Variants in ZNF18 observed in about 807,000 individuals in gnomAD.
The protein encoded by ZNF18 is heart development-specific gene 1 protein.
In ZNF18, 42 loss-of-function variants were observed where a neutral mutation model predicts 58.1. The observed-to-expected ratio is 0.72, with a 90% CI of 0.56 to 0.93. The LOEUF is 0.93. Ranked by LOEUF, ZNF18 falls within the 40% of genes least tolerant of loss-of-function variation. The pLI, the probability that ZNF18 is intolerant of heterozygous loss-of-function variation, is 0.00. For synonymous variants in ZNF18, 231 were observed against 239.8 expected, an observed-to-expected ratio of 0.96 and a Z score of 0.34; for missense variants, 540 against 644.2, an observed-to-expected ratio of 0.84 and a Z score of 1.75.
the ZNF18 span, among the ~76,000 whole-genome samples, chr17:12,007,119 T>C: frequency 6.6e-6 from 1 of 152,166 alleles, no homozygotes; most frequent in South Asian, 2.1e-4. Context: ...GATGTCAAGA[T>C]TCTGGCCTCC....
intron 5 of ZNF18, among the ~76,000 whole-genome samples, chr17:11,983,781 T>C (rs1436272274): frequency 5.9e-5 from 9 of 152,158 alleles, no homozygotes; most frequent in Non-Finnish European, 2.9e-5. Context: ...AGCCCACTTA[T>C]GAGCTATGTG....
chr17:11,996,555 A>AT (rs1968480050), intron 1 of ZNF18, among the ~76,000 whole-genome samples: 1 of 152,220 alleles, frequency 6.6e-6, no homozygotes, highest in African/African-American at 2.4e-5. Context: ...AGTATTAAAA[A>AT]TTTAATAGAG....
At chr17:11,989,558 TA>T (rs1326824605) in intron 4 of ZNF18, among the ~76,000 whole-genome samples, 2 of 152,244 alleles carry the variant, frequency 1.3e-5, no homozygotes, top group African/African-American at 4.8e-5. Flanking sequence ...ATCAAACTTC[TA>T]GAGGTGAAAA....
chr17:12,013,220 G>A, the ZNF18 span, among the ~76,000 whole-genome samples: 1 of 152,178 alleles, frequency 6.6e-6, no homozygotes, highest in Non-Finnish European at 1.5e-5. Context: ...AAAGTGCTGG[G>A]ATTACAGGCG....
Position 11,994,308 on chromosome 17 carries a change from T to A in ZNF18, c.-82-1397A>T, listed in dbSNP as rs139675930. ...TTTAAAAACTAAAAAAGAAAAACAA[T>A]TTTTTTTCAAGGGCCTGAGAAAGGA... On this transcript the variant is annotated intron_variant, in intron 1 of 6. Coordinates refer to ENST00000580306, the MANE Select transcript of ZNF18 (RefSeq NM_001303281.2). Among the ~76,000 whole-genome samples the A allele has an allele frequency of 4.3e-4, 66 of 151,980 alleles. 1 individual carries two copies. Among genetic ancestry groups the A allele is most frequent in the African/African-American group, 1.6e-3 (65 of 41,462 alleles).
chr17:11,990,596 A>C, intron 3 of ZNF18, 46 bp from the exon 4 acceptor site: 1 of 1,497,038 alleles, frequency 6.7e-7, no homozygotes, highest in East Asian at 2.3e-5. Flanking sequence ...GTCTTCCTTA[A>C]CCACTCCCCA....
At chr17:12,011,056 GA>G in the ZNF18 span, 1 of 738,518 alleles carries the variant, frequency 1.4e-6, no homozygotes, top group African/African-American at 1.7e-5. Flanking sequence ...TAGCCATGGT[GA>G]CACCTGTGGG....
chr17:12,009,168 G>T, the ZNF18 span: 1 of 152,120 alleles, frequency 6.6e-6, no homozygotes, highest in Non-Finnish European at 1.5e-5. Context: ...AGAATCCACT[G>T]AATTATCTTA....
At chr17:12,000,665 T>C (rs181129507), upstream of ZNF18, among the ~76,000 whole-genome samples, 1 of 152,188 alleles carries the variant, frequency 6.6e-6, no homozygotes, top group Admixed American at 6.5e-5. Flanking sequence ...GCAGTGAGCC[T>C]AGATCACACC....
At chr17:12,016,162 T>C in the ZNF18 span, among the ~76,000 whole-genome samples, 1 of 152,180 alleles carries the variant, frequency 6.6e-6, no homozygotes, top group Admixed American at 6.5e-5. Flanking sequence ...CTTTAGCATA[T>C]ATTTGCTGCA....
At chr17:12,017,833 C>T in the ZNF18 span, among the ~76,000 whole-genome samples, 2 of 151,042 alleles carry the variant, frequency 1.3e-5, no homozygotes, top group African/African-American at 2.4e-5. Flanking sequence ...GCCGAGATCG[C>T]GCCATTGCAC....
At chr17:12,010,251 A>C in the ZNF18 span, among the ~76,000 whole-genome samples, 1 of 152,178 alleles carries the variant, frequency 6.6e-6, no homozygotes. Context: ...ATATCTTGTA[A>C]TTCTTCGCTA....
chr17:11,977,998 T>TG lies in ZNF18; in HGVS notation c.1608dup (p.Lys537GlnfsTer78). ...TTTCCTAAGTGGGATCTTTGATGTT[T>TG]GTCAAGGCTCGAGCTCCAGCTGAAA... On this transcript the variant is annotated frameshift_variant, in exon 7 of 7. Coordinates refer to ENST00000580306, the MANE Select transcript of ZNF18 (RefSeq NM_001303281.2). LOFTEE classifies it high-confidence loss of function. The TG allele has an allele frequency of 1.3e-6, 2 of 1,593,350 alleles. No individual in the cohort carries two copies. Among genetic ancestry groups the TG allele is most frequent in the Non-Finnish European group, 1.7e-6 (2 of 1,170,062 alleles).
At chr17:11,981,866 T>C (rs144529233) in intron 6 of ZNF18, among the ~76,000 whole-genome samples, 39 of 152,286 alleles carry the variant, frequency 2.6e-4, no homozygotes, top group African/African-American at 7.9e-4. Flanking sequence ...ATAAGTTCTA[T>C]GGACTAAACT....
At chr17:12,020,309 C>T in the ZNF18 span, among the ~76,000 whole-genome samples, 1 of 152,110 alleles carries the variant, frequency 6.6e-6, no homozygotes, top group Admixed American at 6.5e-5. Context: ...TGGGATGGGT[C>T]CATGGACAGC....
the ZNF18 span, among the ~76,000 whole-genome samples, chr17:12,019,294 ATGTGTGTGTGTGTGTGTGTGTG>A: frequency 1.7e-3 from 241 of 145,452 alleles, no homozygotes; most frequent in African/African-American, 5.9e-3. Context: ...ATAATATTGG[ATGTGTGTGTGTGTGTGTGTGTG>A]TGTGTGTGTG....
chr17:12,017,985 C>T, the ZNF18 span, among the ~76,000 whole-genome samples: 16 of 152,256 alleles, frequency 1.1e-4, no homozygotes, highest in East Asian at 1.9e-4. Flanking sequence ...AATACACAGA[C>T]GTTACTCTTT....
chr17:11,994,795 C>A (rs560627576), intron 1 of ZNF18, among the ~76,000 whole-genome samples: 2 of 152,034 alleles, frequency 1.3e-5, no homozygotes, highest in South Asian at 2.1e-4. Context: ...GAGCTGAGAT[C>A]GTGCCACTGC....
chr17:12,006,297 C>T, the ZNF18 span, among the ~76,000 whole-genome samples: 2 of 152,130 alleles, frequency 1.3e-5, no homozygotes, highest in South Asian at 2.1e-4. Flanking sequence ...AACTAGGTTT[C>T]TGGGCTGGTT....
Sources: gnomAD v4.1 joint callset for allele counts (sites outside exome capture counted in the v4.1 genomes callset) on GRCh38, gnomAD v4.1.1 for gene constraint, MANE v1.5 for transcripts, NCBI Gene and HGNC (gene_info 2026-07-23, HGNC 2026-07-21) for gene names.